DHRSX: variants seen among roughly 807,000 people sequenced by gnomAD.
DHRSX encodes dehydrogenase/reductase X-linked.
In DHRSX, 31 loss-of-function variants were observed where a neutral mutation model predicts 34.0. The observed-to-expected ratio is 0.91, with a 90% confidence interval of 0.69 to 1.23. The LOEUF (loss-of-function observed/expected upper bound fraction) is 1.23. Among genes scored for constraint, DHRSX ranks in the 50% most tolerant of loss-of-function variants. The probability of loss-of-function intolerance (pLI) is 0.00; values close to 1 mark genes in which losing one functional copy is unlikely to be tolerated. For synonymous variants in DHRSX, 201 were observed against 183.8 expected, an observed-to-expected ratio of 1.09 and a Z score of -0.76; for missense variants, 414 against 428.1, an observed-to-expected ratio of 0.97 and a Z score of 0.29.
At chrX:2,399,715 A>T (rs2043460700) in intron 3 of DHRSX, among the ~76,000 whole-genome samples, 1 of 138,620 alleles carries the variant, frequency 7.2e-6, no homozygotes, top group South Asian at 2.4e-4. Context: ...CAAAACAAAC[A>T]AACAAAAAGC....
intron 1 of DHRSX, among the ~76,000 whole-genome samples, chrX:2,450,418 C>T (rs1230263240): frequency 6.6e-6 from 1 of 151,922 alleles, no homozygotes; most frequent in Non-Finnish European, 1.5e-5. Context: ...GCCAAGATCG[C>T]GTCACTGTAC....
chrX:2,315,901 G>A (rs978271415), intron 3 of DHRSX, among the ~76,000 whole-genome samples: 7 of 152,030 alleles, frequency 4.6e-5, no homozygotes, highest in African/African-American at 1.7e-4. Context: ...TCACTCTGTT[G>A]CCTAGGCTGG....
intron 6 of DHRSX, among the ~76,000 whole-genome samples, chrX:2,232,073 A>ACC (rs2015907535): frequency 8.4e-6 from 1 of 118,834 alleles, no homozygotes; most frequent in African/African-American, 3.3e-5. Context: ...TCCTCCTTTT[A>ACC]TTTTTTCTCC....
intron 2 of DHRSX, among the ~76,000 whole-genome samples, chrX:2,423,569 G>A (rs2043807755): frequency 6.6e-6 from 1 of 152,140 alleles, no homozygotes; most frequent in Non-Finnish European, 1.5e-5. Context: ...TGCAGTCTGG[G>A]CTGACAGAGT....
chrX:2,357,959 CA>C (rs1446534963), intron 3 of DHRSX, among the ~76,000 whole-genome samples: 3 of 152,204 alleles, frequency 2.0e-5, no homozygotes, highest in African/African-American at 7.2e-5. Context: ...ATCCTCTCTA[CA>C]AAACGCTTAT....
intron 6 of DHRSX, 49 bp downstream of exon 6, chrX:2,242,974 G>A (rs1427490930): frequency 1.2e-5 from 19 of 1,578,624 alleles, no homozygotes; most frequent in Non-Finnish European, 1.6e-5. Flanking sequence ...CCCCTTTCCT[G>A]TAGCATCTTC....
chrX:2,267,855 G>A (rs1424893778), intron 4 of DHRSX, among the ~76,000 whole-genome samples: 1 of 152,072 alleles, frequency 6.6e-6, no homozygotes, highest in Admixed American at 6.5e-5. Context: ...GTTGAGGCGG[G>A]AGGATTGTTT....
intron 6 of DHRSX, among the ~76,000 whole-genome samples, chrX:2,232,791 C>T (rs1298990517): frequency 3.3e-5 from 5 of 151,910 alleles, no homozygotes; most frequent in Non-Finnish European, 7.4e-5. Flanking sequence ...CCAGGCTGGT[C>T]TCGAACTCCT....
intron 3 of DHRSX, among the ~76,000 whole-genome samples, chrX:2,323,816 T>C (rs1419560863): frequency 1.3e-5 from 2 of 151,168 alleles, no homozygotes; most frequent in African/African-American, 2.4e-5. Context: ...TTTTAGGTGA[T>C]AGGTGGTTAC....
chrX:2,323,067 G>GCGCCAGT (rs111612950), intron 3 of DHRSX, among the ~76,000 whole-genome samples: 1 of 151,074 alleles, frequency 6.6e-6, no homozygotes, highest in Non-Finnish European at 1.5e-5. Flanking sequence ...GGGATTACAG[G>GCGCCAGT]CGCCACACCC....
intron 5 of DHRSX, among the ~76,000 whole-genome samples, chrX:2,264,597 C>T (rs1422329570): frequency 2.0e-5 from 3 of 150,954 alleles, no homozygotes; most frequent in Admixed American, 6.6e-5. Context: ...GCAGGGAGCA[C>T]TGTTCCCAGA....
intron 1 of DHRSX, among the ~76,000 whole-genome samples, chrX:2,468,660 G>A (rs1021792554): frequency 6.6e-6 from 1 of 151,664 alleles, no homozygotes; most frequent in Non-Finnish European, 1.5e-5. Flanking sequence ...TAAGAATGTG[G>A]CCAAGGGACC....
rs1339942658 is a variant in DHRSX at position 2,282,613 on chromosome X, G to C, written c.388+8889C>G. On this transcript the variant is annotated intron_variant, in intron 4 of 6. Coordinates refer to ENST00000334651, the MANE Select transcript of DHRSX (RefSeq NM_145177.3). ...GAAGAAAGAGGGGAGAGAGAAGAAA[G>C]AGGGGAGGGAGAGAAGAAGGGAAAG... Among the ~76,000 whole-genome samples, 3 of 142,466 alleles carry C rather than the reference G, an allele frequency of 2.1e-5. No individual in the cohort carries two copies. The East Asian group carries it at 6.6e-4, about 31-fold the overall frequency. 93.5% of individuals were successfully genotyped at this position (142,466 alleles called of 152,430 possible).
intron 3 of DHRSX, among the ~76,000 whole-genome samples, chrX:2,308,557 T>C (rs1322960035): frequency 3.9e-5 from 6 of 152,142 alleles, no homozygotes; most frequent in Non-Finnish European, 8.8e-5. Flanking sequence ...GAAGGCATGG[T>C]TTGGATCTGT....
At chrX:2,353,021 G>A (rs1210061333) in intron 3 of DHRSX, among the ~76,000 whole-genome samples, 1 of 152,126 alleles carries the variant, frequency 6.6e-6, no homozygotes, top group Non-Finnish European at 1.5e-5. Context: ...CAGGCAAGAT[G>A]GCTTGAGCTC....
chrX:2,330,088 G>A (rs1189144979), intron 3 of DHRSX, among the ~76,000 whole-genome samples: 1,256 of 11,962 alleles, frequency 0.1, 58 homozygotes, highest in African/African-American at 0.12. Context: ...GGGGGGGGGG[G>A]GGGGGGAGGG....
rs1337339881 is a variant in DHRSX, at chrX:2,345,822, C to G, written c.287-54219G>C. Among the ~76,000 whole-genome samples the G allele has an allele frequency of 3.9e-5, 6 of 152,178 alleles. No homozygotes were observed. The South Asian group carries it at 8.3e-4, about 21-fold the overall frequency. On this transcript the variant is annotated intron_variant, in intron 3 of 6. Coordinates refer to ENST00000334651, the MANE Select transcript of DHRSX (RefSeq NM_145177.3). The stretch of plus-strand genomic sequence containing the variant: ...CCAACAGATGGACTTTGGACTCCAA[C>G]TACATCATCAGCTCCTCCCTGGGTC...
chrX:2,250,633 G>A (rs2016415108), intron 5 of DHRSX, among the ~76,000 whole-genome samples: 1 of 152,020 alleles, frequency 6.6e-6, no homozygotes, highest in African/African-American at 2.4e-5. Flanking sequence ...GAGGTCAGTC[G>A]TCACCATCTT....
chrX:2,272,675 T>C (rs2041573057), intron 4 of DHRSX, among the ~76,000 whole-genome samples: 1 of 152,096 alleles, frequency 6.6e-6, no homozygotes, highest in African/African-American at 2.4e-5. Context: ...TACCTGTTCT[T>C]GTTGGCCCTC....
Sources: gnomAD v4.1 joint callset for allele counts (sites outside exome capture counted in the v4.1 genomes callset) on GRCh38, gnomAD v4.1.1 for gene constraint, MANE v1.5 for transcripts, NCBI Gene and HGNC (gene_info 2026-07-23, HGNC 2026-07-21) for gene names.